GAS2L3: variants seen among roughly 807,000 people sequenced by gnomAD.
The protein encoded by GAS2L3 is GAS2-like protein 3.
In GAS2L3, 28 loss-of-function variants were observed where a neutral mutation model predicts 37.0. That is an observed-to-expected ratio of 0.76 (90% CI 0.56 to 1.04). The LOEUF is 1.04. Among genes scored for constraint, GAS2L3 ranks in the 50% least tolerant of loss-of-function variants. GAS2L3 has a pLI of 0.00. For synonymous variants in GAS2L3, 290 were observed against 296.6 expected, an observed-to-expected ratio of 0.98 and a Z score of 0.23; for missense variants, 793 against 817.6, an observed-to-expected ratio of 0.97 and a Z score of 0.37.
intron 6 of GAS2L3, 148 bp downstream of exon 6, chr12:100,612,289 T>G (rs1168011263): frequency 1.5e-6 from 1 of 656,648 alleles, no homozygotes; most frequent in Non-Finnish European, 2.6e-6. Flanking sequence ...TGTAGAATTA[T>G]TGGAGAATCA....
At chr12:100,611,962 T>G in intron 5 of GAS2L3, 38 bp from the exon 6 acceptor site, 1 of 1,419,888 alleles carries the variant, frequency 7.0e-7, no homozygotes, top group Non-Finnish European at 9.9e-7. Context: ...GAAAGTATCC[T>G]TGATACATTT....
In GAS2L3 at chr12:100,623,860, C is replaced by T; in HGVS notation, c.1055C>T (p.Ala352Val). The T allele has an allele frequency of 6.2e-7, 1 of 1,613,892 alleles. No individual in the cohort carries two copies. The highest frequency in any genetic ancestry group is 2.2e-5 in the East Asian group (1 of 44,872). ...GAAAAACAGGGACGTCCACCAGGTGCATTGGTGCCAGCATCTTCACTGAAA... is the reference window on the plus strand; with the variant it reads ...GAAAAACAGGGACGTCCACCAGGTGTATTGGTGCCAGCATCTTCACTGAAA... Reference protein sequence around the residue: ...SKEKQGRPPGALVPASSLKGG... With the variant: ...SKEKQGRPPGVLVPASSLKGG... Residue 352 changes from alanine to valine, a missense_variant, in exon 10 of 10, where the codon GCA (alanine) becomes GTA (valine). Physicochemically the swap from Ala to Val is moderately conservative, Grantham distance 64. Transcript: ENST00000547754.
At position 100,612,021 on chromosome 12, in the gene GAS2L3, C is replaced by A; in HGVS notation, c.325C>A (p.Pro109Thr). The A allele has an allele frequency of 6.2e-7, 1 of 1,608,876 alleles. No individual in the cohort carries two copies. The highest frequency in any genetic ancestry group is 8.5e-7 in the Non-Finnish European group (1 of 1,176,268). ...CCAGAATTTTCCAATGAGAAAAGTG[C>A]CCTGTAAGAAAGATGCTGCATCAGG... ...ESGNFPMRKV[P>T]CKKDAASGSF... The change falls in exon 6 of 10, where the codon CCC (proline) becomes ACC (threonine). Residue 109 changes from proline to threonine, a missense_variant. Transcript: ENST00000547754.
At chr12:100,596,733 G>A (rs1269129167) in intron 3 of GAS2L3, among the ~76,000 whole-genome samples, 2 of 152,010 alleles carry the variant, frequency 1.3e-5, no homozygotes, top group African/African-American at 4.8e-5. Context: ...ACATATAAAA[G>A]CCAATGGACA....
chr12:100,599,907 AT>A (rs753252531), intron 3 of GAS2L3, among the ~76,000 whole-genome samples: 2 of 152,164 alleles, frequency 1.3e-5, no homozygotes, highest in Non-Finnish European at 2.9e-5. Flanking sequence ...GTTTTCTTAC[AT>A]TGACCACAGT....
At chr12:100,619,084 G>A (rs1956222373) in intron 8 of GAS2L3, among the ~76,000 whole-genome samples, 1 of 152,030 alleles carries the variant, frequency 6.6e-6, no homozygotes, top group African/African-American at 2.4e-5. Context: ...GAATTAGTGA[G>A]TGTTTGTGTG....
chr12:100,618,598 G>C lies in GAS2L3; in HGVS notation c.648+11G>C, dbSNP rs1451561895. On this transcript the variant is annotated intron_variant, in intron 8 of 9. Transcript: ENST00000547754. ...GAGCTACATGAAGCTGTAAGTAGTT[G>C]CCACACTTTCTTTTGACCATGATAC... is the stretch of plus-strand genomic sequence containing the variant. The C allele has an allele frequency of 6.2e-7, 1 of 1,600,604 alleles. No homozygotes were observed. The highest frequency in any genetic ancestry group is 2.2e-5 in the East Asian group (1 of 44,640).
chr12:100,612,452 C>A, intron 6 of GAS2L3: 1 of 222,374 alleles, frequency 4.5e-6, no homozygotes, highest in Non-Finnish European at 8.7e-6. Flanking sequence ...CTCCACCAAG[C>A]CTAAAAAGTA....
intron 5 of GAS2L3, among the ~76,000 whole-genome samples, chr12:100,603,971 T>C (rs1235224307): frequency 6.6e-6 from 1 of 152,134 alleles, no homozygotes; most frequent in African/African-American, 2.4e-5. Flanking sequence ...GGTTTTCTTT[T>C]CTGTTCCATT....
chr12:100,594,264 AT>A (rs549567942), intron 2 of GAS2L3, among the ~76,000 whole-genome samples: 5 of 151,774 alleles, frequency 3.3e-5, no homozygotes, highest in African/African-American at 9.7e-5. Flanking sequence ...GAATTAAAGT[AT>A]TTTTTTTCCA....
chr12:100,602,486 A>C (rs916384433), intron 5 of GAS2L3, among the ~76,000 whole-genome samples: 3 of 151,814 alleles, frequency 2.0e-5, no homozygotes, highest in Admixed American at 1.3e-4. Context: ...ACTGAAAATA[A>C]AGTATATCTT....
At chr12:100,579,397 C>T (rs1012361197) in intron 1 of GAS2L3, 4 of 938,658 alleles carry the variant, frequency 4.3e-6, no homozygotes, top group Non-Finnish European at 6.7e-6. Flanking sequence ...TCACTCCAGA[C>T]CCATTTAGAA....
chr12:100,623,514 A>G, intron 9 of GAS2L3, 48 bp from the exon 10 acceptor site: 14 of 1,515,040 alleles, frequency 9.2e-6, no homozygotes, highest in Non-Finnish European at 1.2e-5. Flanking sequence ...TTGTAACTAT[A>G]AACCTCACAG....
chr12:100,624,425 C>T lies in GAS2L3; in HGVS notation c.1620C>T (p.Ser540=), dbSNP rs202229990. The part of the protein sequence containing the change: ...ATGLGTQSQP[S]DGAPQAKPVP... ...GTCTAGGAACACAGTCTCAACCATCCGATGGAGCCCCACAAGCAAAGCCAG... is the reference window on the plus strand; with the variant it reads ...GTCTAGGAACACAGTCTCAACCATCTGATGGAGCCCCACAAGCAAAGCCAG... The change falls in exon 10 of 10, where the codon TCC becomes TCT. Residue 540 remains serine, a synonymous_variant. Transcript: ENST00000547754. The T allele has an allele frequency of 6.8e-6, 11 of 1,613,954 alleles. No individual in the cohort carries two copies. The highest frequency in any genetic ancestry group is 3.3e-5 in the South Asian group (3 of 91,074).
intron 1 of GAS2L3, among the ~76,000 whole-genome samples, chr12:100,590,748 G>A (rs905568300): frequency 6.6e-6 from 1 of 152,136 alleles, no homozygotes; most frequent in Non-Finnish European, 1.5e-5. Context: ...ATATTATGCA[G>A]CCATAAAAAG....
Position 100,624,471 on chromosome 12 carries a change from T to G in GAS2L3, c.1666T>G (p.Ser556Ala). Reference protein sequence around the residue: ...AKPVPAQKLKSALNLNQPVSV... With the variant: ...AKPVPAQKLKAALNLNQPVSV... ...GCCAGTCCCAGCACAGAAACTTAAA[T>G]CGGCCTTGAATTTAAATCAGCCAGT... The change falls in exon 10 of 10, where the codon TCG becomes GCG. Residue 556 changes from serine (S) to alanine (A), a missense_variant. Physicochemically the swap from Ser to Ala is moderately conservative, Grantham distance 99. Coordinates refer to ENST00000547754, the MANE Select transcript of GAS2L3 (RefSeq NM_174942.3). 1 of 1,614,040 alleles carries G rather than the reference T, an allele frequency of 6.2e-7. No individual in the cohort carries two copies. The highest frequency in any genetic ancestry group is 1.1e-5 in the South Asian group (1 of 91,082).
At chr12:100,618,664 G>A in intron 8 of GAS2L3, 77 bp downstream of exon 8, 6 of 1,278,346 alleles carry the variant, frequency 4.7e-6, no homozygotes, top group Non-Finnish European at 6.4e-6. Context: ...GTGTGCTACA[G>A]GTGATGCTAT....
chr12:100,583,658 G>A (rs908737235), intron 1 of GAS2L3, among the ~76,000 whole-genome samples: 2 of 152,042 alleles, frequency 1.3e-5, no homozygotes, highest in Admixed American at 1.3e-4. Context: ...ATTTTTAGTA[G>A]AGACGGGGCT....
At chr12:100,600,316 T>G (rs1372383467) in intron 3 of GAS2L3, 66 bp from the exon 4 acceptor site, 2 of 960,446 alleles carry the variant, frequency 2.1e-6, no homozygotes, top group Non-Finnish European at 3.1e-6. Flanking sequence ...TAAATATTGA[T>G]GTGGATTATG....
Sources: gnomAD v4.1 joint callset for allele counts (sites outside exome capture counted in the v4.1 genomes callset) on GRCh38, gnomAD v4.1.1 for gene constraint, MANE v1.5 for transcripts, NCBI Gene and HGNC (gene_info 2026-07-23, HGNC 2026-07-21) for gene names.